Variants in PLEKHA8 observed in about 807,000 individuals in gnomAD.
PLEKHA8 encodes the protein pleckstrin homology domain containing A8.
A neutral mutation model predicts 68.2 loss-of-function variants in PLEKHA8; 36 were observed. The observed-to-expected ratio is 0.53, with a 90% CI of 0.40 to 0.70. The LOEUF is 0.70. Among genes scored for constraint, PLEKHA8 ranks in the 30% least tolerant of loss-of-function variants. PLEKHA8 has a pLI of 0.00. For synonymous variants in PLEKHA8, 211 were observed against 216.1 expected (o/e 0.98, Z 0.20); for missense variants, 505 against 615.4 (o/e 0.82, Z 1.90).
At chr7:30,062,616 C>G (rs1225258711) in intron 11 of PLEKHA8, 56 bp from the exon 12 acceptor site, 1 of 1,287,446 alleles carries the variant, frequency 7.8e-7, no homozygotes, top group Non-Finnish European at 1.1e-6. Context: ...TTTCTTTATA[C>G]CCACTCAACA....
At chr7:30,116,796 A>C (rs1796581823) in intron 13 of PLEKHA8, among the ~76,000 whole-genome samples, 1 of 152,168 alleles carries the variant, frequency 6.6e-6, no homozygotes, top group Non-Finnish European at 1.5e-5. Flanking sequence ...AAAACCTGGA[A>C]TGTCTGAAGT....
At chr7:30,126,543 C>CT (rs910593546) in intron 13 of PLEKHA8, among the ~76,000 whole-genome samples, 37 of 152,308 alleles carry the variant, frequency 2.4e-4, no homozygotes, top group Admixed American at 1.5e-3. Context: ...AAACCAATTT[C>CT]TTTTTTTCTA....
intron 13 of PLEKHA8, 77 bp downstream of exon 13, chr7:30,074,209 C>A: frequency 7.7e-7 from 1 of 1,300,830 alleles, no homozygotes; most frequent in South Asian, 1.2e-5. Context: ...CTCTTCTTAC[C>A]CAGTTATTTA....
chr7:30,065,434 C>T (rs1793769334), intron 12 of PLEKHA8, among the ~76,000 whole-genome samples: 1 of 151,332 alleles, frequency 6.6e-6, no homozygotes, highest in Non-Finnish European at 1.5e-5. Context: ...TCCCCTCCCA[C>T]AGACACAGAC....
intron 13 of PLEKHA8, among the ~76,000 whole-genome samples, chr7:30,124,673 T>A (rs913447370): frequency 6.6e-6 from 1 of 152,224 alleles, no homozygotes; most frequent in South Asian, 2.1e-4. Flanking sequence ...AATAATTTCC[T>A]GTGCTTTCTG....
intron 1 of PLEKHA8, among the ~76,000 whole-genome samples, chr7:30,036,333 TA>T (rs1791073930): frequency 2.0e-5 from 3 of 151,854 alleles, no homozygotes. Flanking sequence ...GATAGATGGA[TA>T]GATGGGTGAC....
rs1583806537 is a variant in PLEKHA8 at position 30,049,553 on chromosome 7, T to C, written c.597+171T>C. The stretch of plus-strand genomic sequence containing the variant: ...CCTCAGCACCCCATATCCAGTCAGT[T>C]ATTTGTGGCAATTTTACCACCTAAA... On this transcript the variant is annotated intron_variant, in intron 5 of 13. Coordinates refer to ENST00000449726, the MANE Select transcript of PLEKHA8 (RefSeq NM_001197026.2). 6 of 789,776 alleles carry C rather than the reference T, an allele frequency of 7.6e-6. No individual in the cohort carries two copies. The East Asian group carries it at 1.7e-4, about 23-fold the overall frequency. The allele number at this position is 789,776 out of a possible 1,614,324, so 48.9% of individuals were successfully genotyped here.
Position 30,062,660 on chromosome 7 carries a change from A to T in PLEKHA8, c.1230-12A>T. ...CTTTGAAAATAATATTTCTTCCTTTATTTTGTTTTAGAGGTCTCAAATTTT... is the reference window on the plus strand; with the variant it reads ...CTTTGAAAATAATATTTCTTCCTTTTTTTTGTTTTAGAGGTCTCAAATTTT... On this transcript the variant is annotated splice_polypyrimidine_tract_variant and intron_variant, in intron 11 of 13. Coordinates refer to ENST00000449726, the MANE Select transcript of PLEKHA8 (RefSeq NM_001197026.2). 1 of 1,591,536 alleles carries T rather than the reference A, an allele frequency of 6.3e-7. No homozygotes were observed. The highest frequency in any genetic ancestry group is 8.6e-7 in the Non-Finnish European group (1 of 1,159,956).
At chr7:30,063,261 G>A (rs925154595) in intron 12 of PLEKHA8, among the ~76,000 whole-genome samples, 2 of 152,210 alleles carry the variant, frequency 1.3e-5, no homozygotes, top group African/African-American at 4.8e-5. Context: ...GGTCAGAGGA[G>A]ATCATCTTAT....
chr7:30,079,336 A>G lies in PLEKHA8; in HGVS notation c.*549A>G. On this transcript the variant is annotated 3_prime_UTR_variant, in exon 14 of 14. Transcript: ENST00000449726. ...TGTAGTAAAGATGTTCAGGGCATTCACATGACCATGCAATTGTGGGAGGCG... is the reference window on the plus strand; with the variant it reads ...TGTAGTAAAGATGTTCAGGGCATTCGCATGACCATGCAATTGTGGGAGGCG... The G allele has an allele frequency of 1.0e-6, 1 of 986,198 alleles. No homozygotes were observed. Among genetic ancestry groups the G allele is most frequent in the Non-Finnish European group, 1.2e-6 (1 of 830,554 alleles). The allele number at this position is 986,198 out of a possible 1,614,324, so 61.1% of individuals were successfully genotyped here.
downstream of PLEKHA8, among the ~76,000 whole-genome samples, chr7:30,093,705 A>G (rs552329265): frequency 6.6e-6 from 1 of 152,324 alleles, no homozygotes; most frequent in South Asian, 2.1e-4. Context: ...TCTCCTGGAC[A>G]GGCAAAAGCT....
intron 13 of PLEKHA8, among the ~76,000 whole-genome samples, chr7:30,121,268 G>A (rs11766670): frequency 0.16 from 24,084 of 152,070 alleles, 2,033 homozygotes; most frequent in African/African-American, 0.22. Context: ...GACAGTGGTC[G>A]GAAACAGACC....
rs997984920 is a variant in PLEKHA8 at position 30,084,649 on chromosome 7, T to C, written c.*5862T>C. 3 of 911,240 alleles carry C rather than the reference T, an allele frequency of 3.3e-6. No individual in the cohort carries two copies. The highest frequency in any genetic ancestry group is 1.2e-4 in the East Asian group (1 of 8,428). The allele number at this position is 911,240 out of a possible 1,614,324, so 56.4% of individuals were successfully genotyped here. ...AGTTATAATAAACTTATTTTTAAAG[T>C]ATTAAGTTCTTAAAGGTTTTTGTGT... On this transcript the variant is annotated 3_prime_UTR_variant, in exon 14 of 14. Transcript: ENST00000449726.
intron 9 of PLEKHA8, among the ~76,000 whole-genome samples, chr7:30,056,911 A>G (rs1234473651): frequency 6.8e-6 from 1 of 147,282 alleles, no homozygotes; most frequent in Non-Finnish European, 1.5e-5. Context: ...TCTAACAAAT[A>G]CATAATTTTA....
intron 13 of PLEKHA8, among the ~76,000 whole-genome samples, chr7:30,113,161 A>G (rs961241629): frequency 4.0e-5 from 6 of 151,848 alleles, no homozygotes; most frequent in Non-Finnish European, 7.4e-5. Flanking sequence ...CACATTTGCT[A>G]TTTCTTTGGA....
intron 9 of PLEKHA8, among the ~76,000 whole-genome samples, chr7:30,057,103 T>C (rs768150293): frequency 9.9e-5 from 15 of 152,152 alleles, no homozygotes; most frequent in East Asian, 3.9e-4. Flanking sequence ...TTAACTGTTA[T>C]GATTCAGTGA....
intron 4 of PLEKHA8, among the ~76,000 whole-genome samples, chr7:30,048,842 G>C (rs1262892505): frequency 1.3e-5 from 2 of 152,110 alleles, no homozygotes; most frequent in African/African-American, 4.8e-5. Flanking sequence ...GACTGTGAGG[G>C]GAGGGGGAGG....
At chr7:30,055,011 T>C in intron 8 of PLEKHA8, 146 bp downstream of exon 8, 1 of 864,596 alleles carries the variant, frequency 1.2e-6, no homozygotes, top group Non-Finnish European at 1.8e-6. Flanking sequence ...GTTTACTCTT[T>C]CTTACCAATG....
At chr7:30,068,639 C>G (rs190140984) in intron 12 of PLEKHA8, among the ~76,000 whole-genome samples, 1 of 152,074 alleles carries the variant, frequency 6.6e-6, no homozygotes, top group Non-Finnish European at 1.5e-5. Flanking sequence ...AATGTCTAAT[C>G]TTTTTCAGTT....
Sources: gnomAD v4.1 joint callset for allele counts (sites outside exome capture counted in the v4.1 genomes callset) on GRCh38, gnomAD v4.1.1 for gene constraint, MANE v1.5 for transcripts, NCBI Gene and HGNC (gene_info 2026-07-23, HGNC 2026-07-21) for gene names.